ELL: variants seen among roughly 807,000 people sequenced by gnomAD.
ELL encodes the protein RNA polymerase II elongation factor ELL.
ELL carries 18 observed loss-of-function variants against 64.0 expected under a neutral mutation model. That is an observed-to-expected ratio of 0.28 (90% CI 0.19 to 0.42). ELL has a LOEUF of 0.42. ELL is among the 10% of genes least tolerant of loss of function. ELL has a pLI of 1.00. For missense variants in ELL, 797 were observed against 870.4 expected, an observed-to-expected ratio of 0.92 and a Z score of 1.06; for synonymous variants, 399 against 376.2, an observed-to-expected ratio of 1.06 and a Z score of -0.70.
At chr19:18,446,921 G>A in intron 8 of ELL, 107 bp from the exon 9 acceptor site, 1 of 1,170,458 alleles carries the variant, frequency 8.5e-7, no homozygotes, top group Non-Finnish European at 1.3e-6. Context: ...TGCTGCTGGA[G>A]GGACATAGAG....
rs145337595 is a variant in ELL, at chr19:18,494,032, A to G, written c.136-21150T>C. On this transcript the variant is annotated intron_variant, in intron 1 of 11. Coordinates refer to ENST00000262809, the MANE Select transcript of ELL (RefSeq NM_006532.4). ...GGTCCACACAGACCAGAGGCCCCCA[A>G]GATATCTCCAGGTCTTTCTCCCTTA... 3.1e-3 allele frequency among the ~76,000 whole-genome samples: 472 copies of G among 152,332 alleles called. 1 individual carries two copies. The highest frequency in any genetic ancestry group is 0.011 in the African/African-American group (441 of 41,580).
chr19:18,519,239 A>G (rs934786702), intron 1 of ELL, among the ~76,000 whole-genome samples: 1 of 152,074 alleles, frequency 6.6e-6, no homozygotes, highest in Non-Finnish European at 1.5e-5. Context: ...CTCAAAAAAA[A>G]AAAAAAGAAA....
At position 18,522,034 on chromosome 19, in the gene ELL, T is replaced by C. The variant is rs781430794; in HGVS notation, c.22A>G (p.Arg8Gly). 6.0e-5 allele frequency: 96 copies of C among 1,607,154 alleles called. No individual in the cohort carries two copies. The highest frequency in any genetic ancestry group is 1.7e-4 in the Middle Eastern group (1 of 6,036). The change falls in exon 1 of 12, where the codon AGG becomes GGG. Residue 8 changes from arginine to glycine, a missense_variant. Coordinates refer to ENST00000262809, the MANE Select transcript of ELL (RefSeq NM_006532.4). ...CGCCCGCACGACAGCCCGTAGCTCCTATCCTCCTTCAGCGCCGCCATCTTG... is the reference window on the plus strand; with the variant it reads ...CGCCCGCACGACAGCCCGTAGCTCCCATCCTCCTTCAGCGCCGCCATCTTG... Reference protein sequence around the residue: MAALKEDRSYGLSCGRVS... With the variant: MAALKEDGSYGLSCGRVS...
At chr19:18,496,704 G>A (rs1975661648) in intron 1 of ELL, among the ~76,000 whole-genome samples, 1 of 152,358 alleles carries the variant, frequency 6.6e-6, no homozygotes, top group East Asian at 1.9e-4. Flanking sequence ...CTCAGGTGGT[G>A]CGGACTGGGG....
intron 1 of ELL, among the ~76,000 whole-genome samples, chr19:18,517,624 G>A (rs929980981): frequency 2.0e-5 from 3 of 151,550 alleles, no homozygotes; most frequent in Admixed American, 6.6e-5. Flanking sequence ...ACTTTGGGAG[G>A]CCGACACAGG....
intron 1 of ELL, among the ~76,000 whole-genome samples, chr19:18,515,773 G>T (rs1329065270): frequency 6.6e-6 from 1 of 152,216 alleles, no homozygotes; most frequent in Non-Finnish European, 1.5e-5. Flanking sequence ...CTCCCCTTCA[G>T]GTCAAGACCC....
At chr19:18,482,412 G>A (rs1975320758) in intron 1 of ELL, among the ~76,000 whole-genome samples, 1 of 144,124 alleles carries the variant, frequency 6.9e-6, no homozygotes, top group South Asian at 2.2e-4. Context: ...CCGCCTCCTG[G>A]GTTGAAGCAA....
At chr19:18,446,863 C>A (rs2303693) in intron 8 of ELL, 49 bp from the exon 9 acceptor site, 58 of 1,602,374 alleles carry the variant, frequency 3.6e-5, no homozygotes, top group Non-Finnish European at 4.7e-5. Flanking sequence ...TGGCACCGGT[C>A]GGCAGGAAGC....
intron 9 of ELL, 95 bp from the exon 10 acceptor site, chr19:18,446,575 T>C (rs1974422051): frequency 6.6e-7 from 1 of 1,522,726 alleles, no homozygotes; most frequent in East Asian, 2.3e-5. Context: ...GCCTGGCCTC[T>C]CGGGTGATTC....
At chr19:18,514,907 C>A (rs1378144464) in intron 1 of ELL, among the ~76,000 whole-genome samples, 1 of 152,236 alleles carries the variant, frequency 6.6e-6, no homozygotes, top group African/African-American at 2.4e-5. Context: ...TGCTTCGAGC[C>A]CAGGGCTACG....
At chr19:18,475,553 GAATT>G (rs1278799730) in intron 1 of ELL, among the ~76,000 whole-genome samples, 1 of 151,884 alleles carries the variant, frequency 6.6e-6, no homozygotes, top group African/African-American at 2.4e-5. Context: ...ATTTATAGCA[GAATT>G]ATTTAGAGAA....
intron 1 of ELL, 90 bp from the exon 2 acceptor site, chr19:18,472,972 G>A (rs1975097193): frequency 1.4e-6 from 2 of 1,416,876 alleles, no homozygotes; most frequent in Non-Finnish European, 1.9e-6. Flanking sequence ...GGTATAGAAG[G>A]AGCAGGGTGA....
chr19:18,445,083 TG>T, intron 11 of ELL, 140 bp downstream of exon 11: 1 of 1,256,830 alleles, frequency 8.0e-7, no homozygotes, highest in Non-Finnish European at 1.1e-6. Flanking sequence ...CTGGGGGTGG[TG>T]GGGCAACTTT....
At position 18,442,939 on chromosome 19, in the gene ELL, C is replaced by T. The variant is rs189831493; in HGVS notation, c.*1813G>A. On this transcript the variant is annotated 3_prime_UTR_variant, in exon 12 of 12. Coordinates refer to ENST00000262809, the MANE Select transcript of ELL (RefSeq NM_006532.4). ...CAGCTAGAACTTTGTCCACCAACCC[C>T]CAAAACACAAAACTTTTCTTAGCTT... 3.9e-4 allele frequency: 90 copies of T among 231,492 alleles called. 1 individual carries two copies. The East Asian group carries it at 5.4e-3, about 14-fold the overall frequency. 14.3% of individuals were successfully genotyped at this position (231,492 alleles called of 1,614,324 possible).
At chr19:18,488,705 A>T (rs1975467146) in intron 1 of ELL, among the ~76,000 whole-genome samples, 2 of 152,152 alleles carry the variant, frequency 1.3e-5, no homozygotes, top group African/African-American at 4.8e-5. Context: ...CCTTCTATGG[A>T]CAGGGCTGCG....
rs764492163 is a variant in ELL, at chr19:18,444,750, G to T, written c.*2C>A. The T allele has an allele frequency of 1.9e-6, 3 of 1,598,670 alleles. No individual in the cohort carries two copies. Among genetic ancestry groups the T allele is most frequent in the East Asian group, 4.5e-5 (2 of 44,704 alleles). ...CCAGATCCCCGCCATCGGGGAGGGCGGCTAGGGCCAAGCCTGCAGCTGCCG... is the reference window on the plus strand; with the variant it reads ...CCAGATCCCCGCCATCGGGGAGGGCTGCTAGGGCCAAGCCTGCAGCTGCCG... On this transcript the variant is annotated 3_prime_UTR_variant, in exon 12 of 12. Transcript: ENST00000262809.
At chr19:18,493,682 A>G (rs1351469405) in intron 1 of ELL, among the ~76,000 whole-genome samples, 1 of 152,194 alleles carries the variant, frequency 6.6e-6, no homozygotes, top group African/African-American at 2.4e-5. Context: ...TGGACTCCCA[A>G]GGCTCAGTTG....
chr19:18,473,270 A>C (rs1486929081), intron 1 of ELL: 1 of 508,794 alleles, frequency 2.0e-6, no homozygotes, highest in African/African-American at 1.9e-5. Context: ...GCCAGGAAAA[A>C]GCAAAGACAG....
At chr19:18,454,555 C>A (rs916125390) in intron 6 of ELL, among the ~76,000 whole-genome samples, 1 of 151,054 alleles carries the variant, frequency 6.6e-6, no homozygotes, top group Non-Finnish European at 1.5e-5. Context: ...AAAATGACAT[C>A]CTGGGCTGGG....
Sources: allele counts gnomAD v4.1 joint callset (sites outside exome capture counted in the v4.1 genomes callset), GRCh38; gene constraint gnomAD v4.1.1; transcripts MANE v1.5; gene names NCBI Gene and HGNC (gene_info 2026-07-23, HGNC 2026-07-21).